IRAK1BP1: variants seen among roughly 807,000 people sequenced by gnomAD.
IRAK1BP1 encodes interleukin 1 receptor associated kinase 1 binding protein 1.
IRAK1BP1 carries 24 observed loss-of-function variants against 28.0 expected under a neutral mutation model. The observed-to-expected ratio is 0.86, with a 90% CI of 0.62 to 1.20. IRAK1BP1 has a LOEUF of 1.20. Ranked by LOEUF, IRAK1BP1 falls within the 50% of genes most tolerant of loss-of-function variation. The probability of loss-of-function intolerance (pLI) is 0.00; values close to 1 mark genes in which losing one functional copy is unlikely to be tolerated. For synonymous variants in IRAK1BP1, 131 were observed against 116.3 expected, an observed-to-expected ratio of 1.13 and a Z score of -0.81; for missense variants, 336 against 316.7, an observed-to-expected ratio of 1.06 and a Z score of -0.46.
At chr6:78,970,718 C>A in the IRAK1BP1 span, 3 of 1,058,646 alleles carry the variant, frequency 2.8e-6, no homozygotes, top group Non-Finnish European at 4.2e-6. Flanking sequence ...ACCTTTGATA[C>A]AATTTTCTCC....
chr6:78,961,788 G>T, the IRAK1BP1 span: 1 of 1,610,386 alleles, frequency 6.2e-7, no homozygotes, highest in Non-Finnish European at 8.5e-7. Flanking sequence ...GATCCACGGG[G>T]GCCACAAATG....
chr6:78,970,913 CA>C, the IRAK1BP1 span: 5 of 1,492,672 alleles, frequency 3.3e-6, no homozygotes, highest in East Asian at 1.1e-4. Context: ...CATAATCTTA[CA>C]ACCTGGATGT....
intron 2 of IRAK1BP1, among the ~76,000 whole-genome samples, chr6:78,896,331 G>GAAAAA (rs35774009): frequency 3.2e-5 from 3 of 93,042 alleles, no homozygotes; most frequent in East Asian, 3.8e-4. Context: ...AACCTAAATG[G>GAAAAA]AAAAAAAAAA....
chr6:78,918,494 G>A (rs753252055), intron 4 of IRAK1BP1, among the ~76,000 whole-genome samples: 4 of 143,228 alleles, frequency 2.8e-5, no homozygotes, highest in African/African-American at 7.8e-5. Flanking sequence ...AAAGGGCTGG[G>A]GAAAGATTTA....
Position 78,945,602 on chromosome 6 carries a change from A to C in IRAK1BP1, c.*262A>C, listed in dbSNP as rs1333187816. 3 of 726,646 alleles carry C rather than the reference A, an allele frequency of 4.1e-6. No individual in the cohort carries two copies. The East Asian group carries it at 8.1e-5, about 20-fold the overall frequency. The allele number at this position is 726,646 out of a possible 1,614,324, so 45.0% of individuals were successfully genotyped here. On this transcript the variant is annotated 3_prime_UTR_variant and NMD_transcript_variant, in exon 5 of 5. Transcript: ENST00000606868. Reference sequence around the variant, plus strand: ...AATTAGCCAAGACAACAAAACCTGAAGGATGCTTAAAGCTTTCTTAGGAAA... The same window carrying C: ...AATTAGCCAAGACAACAAAACCTGACGGATGCTTAAAGCTTTCTTAGGAAA...
At chr6:78,920,413 A>G (rs1401117393) in intron 4 of IRAK1BP1, among the ~76,000 whole-genome samples, 1 of 152,246 alleles carries the variant, frequency 6.6e-6, no homozygotes, top group Admixed American at 6.5e-5. Context: ...ATAGGATGGT[A>G]CTGGTACAAA....
Position 78,902,821 on chromosome 6 carries a change from T to G in IRAK1BP1, c.*4487T>G. 1.8e-6 allele frequency: 1 copy of G among 541,646 alleles called. No homozygotes were observed. Among genetic ancestry groups the G allele is most frequent in the Non-Finnish European group, 3.3e-6 (1 of 304,314 alleles). 33.6% of individuals were successfully genotyped at this position (541,646 alleles called of 1,614,324 possible). On this transcript the variant is annotated 3_prime_UTR_variant, in exon 4 of 4. Transcript: ENST00000369940. ...ATACATACATACATACATACATACA[T>G]AAAATGCCCAGTATCTTACAAGACT... is the stretch of plus-strand genomic sequence containing the variant.
At chr6:78,973,597 G>C in the IRAK1BP1 span, among the ~76,000 whole-genome samples, 2 of 95,724 alleles carry the variant, frequency 2.1e-5, no homozygotes, top group African/African-American at 8.3e-5. Flanking sequence ...TGGATAAACA[G>C]TCAAGACCCA....
downstream of IRAK1BP1, among the ~76,000 whole-genome samples, chr6:78,947,335 A>G (rs1214622373): frequency 6.6e-6 from 1 of 152,216 alleles, no homozygotes; most frequent in Non-Finnish European, 1.5e-5. Flanking sequence ...CAAGGCAGAT[A>G]ATAGCTAGAA....
At chr6:78,945,887 A>G in exon 5 of IRAK1BP1, 3 of 760,588 alleles carry the variant, frequency 3.9e-6, no homozygotes, top group South Asian at 2.0e-5. Flanking sequence ...AAAGAAGGCA[A>G]AAACAACAGT....
chr6:78,938,307 T>A (rs1267805496), intron 4 of IRAK1BP1: 1 of 151,644 alleles, frequency 6.6e-6, no homozygotes, highest in African/African-American at 2.4e-5. Context: ...TACATTTACA[T>A]GTTATAGGAA....
chr6:78,953,042 G>GT, the IRAK1BP1 span, among the ~76,000 whole-genome samples: 220 of 143,924 alleles, frequency 1.5e-3, 1 homozygote, highest in African/African-American at 4.7e-3. Flanking sequence ...TATAGGTGTT[G>GT]TTTTTTTTTT....
At chr6:78,871,191 A>G (rs1276618816) in intron 1 of IRAK1BP1, 1 of 855,776 alleles carries the variant, frequency 1.2e-6, no homozygotes, top group African/African-American at 1.8e-5. Context: ...TTACCCTGAT[A>G]TCTCTGCTTC....
At chr6:78,946,297 C>CT in exon 5 of IRAK1BP1, 1 of 1,565,240 alleles carries the variant, frequency 6.4e-7, no homozygotes, top group South Asian at 1.2e-5. Flanking sequence ...ACTCTTATAG[C>CT]TCTATGTGAA....
chr6:78,919,614 G>T (rs571349365), intron 4 of IRAK1BP1, among the ~76,000 whole-genome samples: 1 of 152,110 alleles, frequency 6.6e-6, no homozygotes. Flanking sequence ...TAAATTCCTG[G>T]AAATACAACC....
intron 4 of IRAK1BP1, among the ~76,000 whole-genome samples, chr6:78,920,282 A>G (rs9352676): frequency 0.45 from 68,289 of 152,008 alleles, 16,002 homozygotes; most frequent in East Asian, 0.69. Flanking sequence ...ATTTGAAAAA[A>G]ACTATTCTAA....
Position 78,902,660 on chromosome 6 carries a change from A to G in IRAK1BP1, c.*4326A>G, listed in dbSNP as rs1178538457. 4.9e-6 allele frequency: 1 copy of G among 203,396 alleles called. No homozygotes were observed. The highest frequency in any genetic ancestry group is 5.8e-5 in the Admixed American group (1 of 17,382). 12.6% of individuals were successfully genotyped at this position (203,396 alleles called of 1,614,324 possible). A position where few individuals can be genotyped will look rare whatever the true frequency, so the allele number is the denominator to read the frequency against. ...GTGGCGTGTGACTGTAATCTCAGCT[A>G]CCGGGGAGGCTGAAGCAGAAGAAAC... On this transcript the variant is annotated 3_prime_UTR_variant, in exon 4 of 4. Transcript: ENST00000369940.
chr6:78,915,142 T>G (rs1357006548), intron 4 of IRAK1BP1, among the ~76,000 whole-genome samples: 1 of 152,140 alleles, frequency 6.6e-6, no homozygotes, highest in African/African-American at 2.4e-5. Flanking sequence ...TTTTATAACC[T>G]AGGTATTATA....
At chr6:78,972,192 G>A in the IRAK1BP1 span, among the ~76,000 whole-genome samples, 2 of 152,210 alleles carry the variant, frequency 1.3e-5, no homozygotes, top group East Asian at 1.9e-4. Flanking sequence ...AGAACGGGCA[G>A]ACTGCCTCCT....
Sources: allele counts gnomAD v4.1 joint callset (sites outside exome capture counted in the v4.1 genomes callset), GRCh38; gene constraint gnomAD v4.1.1; transcripts MANE v1.5; gene names NCBI Gene and HGNC (gene_info 2026-07-23, HGNC 2026-07-21).